APCDD1L: variants seen among roughly 807,000 people sequenced by gnomAD.
APCDD1L encodes the protein APC down-regulated 1 like.
In APCDD1L, 21 loss-of-function variants were observed where a neutral mutation model predicts 24.2. That is an observed-to-expected ratio of 0.87 (90% CI 0.61 to 1.25). The LOEUF is 1.25. Ranked by LOEUF, APCDD1L falls within the 50% of genes most tolerant of loss-of-function variation. The pLI is 0.00. For synonymous variants in APCDD1L, 321 were observed against 323.6 expected (o/e 0.99, Z 0.09); for missense variants, 704 against 711.7 (o/e 0.99, Z 0.12).
chr20:58,463,143 CAAAAAAAA>C (rs398036014), intron 3 of APCDD1L, among the ~76,000 whole-genome samples: 2 of 93,778 alleles, frequency 2.1e-5, no homozygotes, highest in African/African-American at 8.4e-5. Context: ...CTCCATCTCA[CAAAAAAAA>C]AAAAAAAAAA....
chr20:58,501,186 C>T (rs572811806), intron 1 of APCDD1L, among the ~76,000 whole-genome samples: 2 of 152,314 alleles, frequency 1.3e-5, no homozygotes, highest in African/African-American at 4.8e-5. Context: ...CAGTGTCTAC[C>T]TTTAAATATA....
At position 58,460,701 on chromosome 20, in the gene APCDD1L, G is replaced by T; in HGVS notation, c.*89C>A. 7.1e-7 allele frequency: 1 copy of T among 1,413,666 alleles called. No individual in the cohort carries two copies. Among genetic ancestry groups the T allele is most frequent in the East Asian group, 2.4e-5 (1 of 41,358 alleles). 87.6% of individuals were successfully genotyped at this position (1,413,666 alleles called of 1,614,324 possible). A position where few individuals can be genotyped will look rare whatever the true frequency, so the allele number is the denominator to read the frequency against. On this transcript the variant is annotated 3_prime_UTR_variant, in exon 4 of 4. Coordinates refer to ENST00000371149, the MANE Select transcript of APCDD1L (RefSeq NM_153360.3). The surrounding 1 kb of genome is among the most constrained non-coding windows in gnomAD (Gnocchi z 4.2). ...TGCATCCATCCATGACAGAGCAGAGGAGAATGGTTCCTTCCCTACAGCTGC... is the reference window on the plus strand; with the variant it reads ...TGCATCCATCCATGACAGAGCAGAGTAGAATGGTTCCTTCCCTACAGCTGC...
intron 1 of APCDD1L, among the ~76,000 whole-genome samples, chr20:58,492,933 C>G (rs1231257985): frequency 6.6e-6 from 1 of 152,134 alleles, no homozygotes; most frequent in East Asian, 1.9e-4. Context: ...CATACACATG[C>G]ACTCACACAC....
rs896009820 is a variant in APCDD1L at position 58,514,752 on chromosome 20, C to A, written c.-45G>T. 3 of 1,274,768 alleles carry A rather than the reference C, an allele frequency of 2.4e-6. No individual in the cohort carries two copies. The highest frequency in any genetic ancestry group is 3.0e-6 in the Non-Finnish European group (3 of 1,002,992). 79.0% of individuals were successfully genotyped at this position (1,274,768 alleles called of 1,614,324 possible). On this transcript the variant is annotated 5_prime_UTR_variant, in exon 1 of 4. Coordinates refer to ENST00000371149, the MANE Select transcript of APCDD1L (RefSeq NM_153360.3). Reference sequence around the variant, plus strand: ...CCGCCCGCCGGGCGCTGCCACGGTGCGCAAGGGGAGGCGCGGGCGCAGGGC... The same window carrying A: ...CCGCCCGCCGGGCGCTGCCACGGTGAGCAAGGGGAGGCGCGGGCGCAGGGC...
chr20:58,470,186 A>G (rs1989783907), intron 2 of APCDD1L, among the ~76,000 whole-genome samples: 1 of 151,914 alleles, frequency 6.6e-6, no homozygotes, highest in Non-Finnish European at 1.5e-5. Flanking sequence ...TGATGTCACC[A>G]CCTCCAAGAA....
intron 1 of APCDD1L, among the ~76,000 whole-genome samples, chr20:58,505,652 C>T (rs753179308): frequency 2.6e-5 from 4 of 152,132 alleles, no homozygotes; most frequent in South Asian, 4.1e-4. Flanking sequence ...AGAGTGGGCC[C>T]TTTGGATACA....
intron 1 of APCDD1L, among the ~76,000 whole-genome samples, chr20:58,474,195 A>G (rs1989865828): frequency 6.6e-6 from 1 of 152,236 alleles, no homozygotes; most frequent in Non-Finnish European, 1.5e-5. Context: ...TCACAGCGGC[A>G]GCGTGTCAGT....
At chr20:58,507,774 T>C (rs959476803) in intron 1 of APCDD1L, among the ~76,000 whole-genome samples, 1 of 152,204 alleles carries the variant, frequency 6.6e-6, no homozygotes, top group Non-Finnish European at 1.5e-5. Context: ...TTTCTGAATA[T>C]AAAGAGCACT....
At chr20:58,509,539 C>T (rs577251882) in intron 1 of APCDD1L, among the ~76,000 whole-genome samples, 2 of 152,276 alleles carry the variant, frequency 1.3e-5, no homozygotes, top group Non-Finnish European at 2.9e-5. Context: ...GGACTAACAA[C>T]TCACCTCAAA....
intron 1 of APCDD1L, 74 bp downstream of exon 1, chr20:58,514,585 A>T (rs1190960545): frequency 8.1e-7 from 1 of 1,238,330 alleles, no homozygotes; most frequent in African/African-American, 1.5e-5. Flanking sequence ...AAGGGCCCTT[A>T]GGGGACATTA....
At chr20:58,514,014 G>C in intron 1 of APCDD1L, 2 of 1,236,122 alleles carry the variant, frequency 1.6e-6, no homozygotes, top group Non-Finnish European at 2.1e-6. Flanking sequence ...CAGTCAGCTG[G>C]CCTTTGTACA....
At chr20:58,513,085 G>A (rs1023309759) in intron 1 of APCDD1L, among the ~76,000 whole-genome samples, 11 of 152,198 alleles carry the variant, frequency 7.2e-5, no homozygotes, top group African/African-American at 2.7e-4. Flanking sequence ...CATGTGCTGT[G>A]ACTGAGACTG....
In APCDD1L at chr20:58,508,175, G is replaced by A. The variant is rs190316699; in HGVS notation, c.49+6484C>T. 2.0e-5 allele frequency among the ~76,000 whole-genome samples: 3 copies of A among 152,320 alleles called. No homozygotes were observed. In the East Asian group the frequency reaches 5.8e-4, roughly 29 times the overall value. On this transcript the variant is annotated intron_variant, in intron 1 of 3. Coordinates refer to ENST00000371149, the MANE Select transcript of APCDD1L (RefSeq NM_153360.3). This position sits in a 1 kb window ranked among gnomAD's most constrained non-coding sequence, Gnocchi z 4.0. ...CTGGCAGCAGGGAACAGAGTTCTAG[G>A]CAGAAGAAACAGCCTATGCATGCAT...
At chr20:58,466,999 C>A in intron 3 of APCDD1L, 107 bp downstream of exon 3, 1 of 1,392,448 alleles carries the variant, frequency 7.2e-7, no homozygotes, top group Non-Finnish European at 9.5e-7. Context: ...GCCGGGCAGC[C>A]AGAGCCCTGG....
At chr20:58,487,331 G>A (rs1439286178) in intron 1 of APCDD1L, among the ~76,000 whole-genome samples, 3 of 151,012 alleles carry the variant, frequency 2.0e-5, no homozygotes, top group Admixed American at 1.3e-4. Context: ...AATAATAGAA[G>A]CATTGTGTAA....
intron 3 of APCDD1L, among the ~76,000 whole-genome samples, chr20:58,466,035 C>G (rs1989698152): frequency 6.6e-6 from 1 of 150,948 alleles, no homozygotes; most frequent in African/African-American, 2.4e-5. Context: ...GTCCTAGGTC[C>G]ACACCCTTGT....
chr20:58,512,574 C>T (rs66999488), intron 1 of APCDD1L, among the ~76,000 whole-genome samples: 36,053 of 151,912 alleles, frequency 0.24, 4,807 homozygotes, highest in East Asian at 0.45. Flanking sequence ...CGTGTGTGTA[C>T]TCAATCTGAA....
At position 58,508,741 on chromosome 20, in the gene APCDD1L, G is replaced by A. The variant is rs750423417; in HGVS notation, c.49+5918C>T. Among the ~76,000 whole-genome samples the A allele has an allele frequency of 6.6e-5, 10 of 152,166 alleles. No homozygotes were observed. The highest frequency in any genetic ancestry group is 1.3e-4 in the Non-Finnish European group (9 of 68,030). On this transcript the variant is annotated intron_variant, in intron 1 of 3. Coordinates refer to ENST00000371149, the MANE Select transcript of APCDD1L (RefSeq NM_153360.3). The surrounding 1 kb of genome is among the most constrained non-coding windows in gnomAD (Gnocchi z 4.0). ...GTGCCAGGCACTGTTCTAGGGACCC[G>A]GGAAAGAACTGTCGATAAAACAGGC...
At chr20:58,514,043 C>T in intron 1 of APCDD1L, 1 of 1,077,108 alleles carries the variant, frequency 9.3e-7, no homozygotes, top group South Asian at 1.6e-5. Context: ...TACCCTACTC[C>T]CCACCCCCAC....
Sources: gnomAD v4.1 joint callset for allele counts (sites outside exome capture counted in the v4.1 genomes callset) on GRCh38, gnomAD v4.1.1 for gene constraint, Gnocchi (gnomAD v3.1) non-coding constraint, MANE v1.5 for transcripts, NCBI Gene and HGNC (gene_info 2026-07-23, HGNC 2026-07-21) for gene names.